The following DLGAP2 variants were observed in gnomAD, a reference collection of about 807,000 sequenced individuals.
DLGAP2 encodes DLG associated protein 2.
A neutral mutation model predicts 100.3 loss-of-function variants in DLGAP2; 26 were observed. That is an observed-to-expected ratio of 0.26 (90% CI 0.19 to 0.36). The LOEUF is 0.36. Ranked by LOEUF, DLGAP2 falls within the 10% of genes least tolerant of loss-of-function variation. The pLI is 1.00. For synonymous variants in DLGAP2, 886 were observed against 630.1 expected (o/e 1.41, Z -6.08); for missense variants, 1,858 against 1,453.2 (o/e 1.28, Z -4.53).
chr8:737,965 G>A (rs1408478264), intron 1 of DLGAP2, 140 bp downstream of exon 1: 2 of 334,342 alleles, frequency 6.0e-6, no homozygotes, highest in Non-Finnish European at 1.1e-5. Flanking sequence ...GGGTCGTGCC[G>A]CCCGCCGGGG....
chr8:1,252,688 C>A (rs1279189488), intron 2 of DLGAP2, among the ~76,000 whole-genome samples: 1 of 152,248 alleles, frequency 6.6e-6, no homozygotes, highest in Non-Finnish European at 1.5e-5. Context: ...GCTAGCGAGG[C>A]CGCCGGGTGT....
At chr8:1,514,336 A>G (rs1800285765) in intron 4 of DLGAP2, among the ~76,000 whole-genome samples, 1 of 152,254 alleles carries the variant, frequency 6.6e-6, no homozygotes, top group Admixed American at 6.5e-5. Flanking sequence ...CCAACAGCCC[A>G]GGTGTTTTCA....
At position 902,018 on chromosome 8, in the gene DLGAP2, A is replaced by G. The variant is rs553161772; in HGVS notation, c.19-5894A>G. 4.7e-4 allele frequency among the ~76,000 whole-genome samples: 72 copies of G among 152,278 alleles called. No homozygotes were observed. The East Asian group carries it at 0.014, about 29-fold the overall frequency. On this transcript the variant is annotated intron_variant, in intron 1 of 14. Transcript: ENST00000637795. Reference sequence around the variant, plus strand: ...CCTGTGAGGTTCTGTGGTCAGGGGAACCCAGGGGGGTTCCAAGCCATGGTC... The same window carrying G: ...CCTGTGAGGTTCTGTGGTCAGGGGAGCCCAGGGGGGTTCCAAGCCATGGTC...
intron 2 of DLGAP2, among the ~76,000 whole-genome samples, chr8:1,037,199 C>A (rs913220312): frequency 6.6e-6 from 1 of 152,142 alleles, no homozygotes; most frequent in Non-Finnish European, 1.5e-5. Context: ...TTGAGCGTCC[C>A]CTGCCGTCCT....
intron 3 of DLGAP2, among the ~76,000 whole-genome samples, chr8:1,328,241 C>G (rs930323477): frequency 6.6e-6 from 1 of 151,804 alleles, no homozygotes; most frequent in African/African-American, 2.4e-5. Context: ...AGGATTTCAC[C>G]TCATTGGCCA....
chr8:803,520 C>T (rs755373514), intron 1 of DLGAP2, among the ~76,000 whole-genome samples: 20 of 152,102 alleles, frequency 1.3e-4, no homozygotes, highest in Non-Finnish European at 2.8e-4. Context: ...TTGGAGATGG[C>T]TCCCAGTAGG....
chr8:1,053,788 C>G (rs1802792405), intron 2 of DLGAP2, among the ~76,000 whole-genome samples: 1 of 152,136 alleles, frequency 6.6e-6, no homozygotes, highest in Non-Finnish European at 1.5e-5. Context: ...TATTTAAGAA[C>G]CAAAACTTTA....
intron 3 of DLGAP2, among the ~76,000 whole-genome samples, chr8:1,413,239 T>C (rs1167836718): frequency 1.3e-5 from 2 of 152,206 alleles, no homozygotes; most frequent in Non-Finnish European, 2.9e-5. Context: ...TAGCTATTTA[T>C]TTATAGTATT....
At chr8:1,271,142 A>G (rs1799574478) in intron 3 of DLGAP2, among the ~76,000 whole-genome samples, 2 of 152,196 alleles carry the variant, frequency 1.3e-5, no homozygotes, top group East Asian at 1.9e-4. Flanking sequence ...TAATTAATTA[A>G]ATCATAAACC....
intron 2 of DLGAP2, among the ~76,000 whole-genome samples, chr8:1,052,856 A>C (rs1294096125): frequency 1.3e-5 from 2 of 152,198 alleles, no homozygotes; most frequent in Non-Finnish European, 2.9e-5. Context: ...AGGAGGATAG[A>C]ACTGGCTGCA....
At chr8:1,115,488 A>G (rs1805088543) in intron 2 of DLGAP2, among the ~76,000 whole-genome samples, 1 of 152,234 alleles carries the variant, frequency 6.6e-6, no homozygotes, top group Non-Finnish European at 1.5e-5. Context: ...GAGTAGTAAT[A>G]ACTACTTTAT....
chr8:1,149,195 A>G (rs557147422), intron 2 of DLGAP2, among the ~76,000 whole-genome samples: 13 of 152,100 alleles, frequency 8.5e-5, no homozygotes, highest in Admixed American at 5.2e-4. Context: ...GCCCAGGCTG[A>G]AGTGCAGTGG....
chr8:993,432 A>T (rs11137120), intron 2 of DLGAP2, among the ~76,000 whole-genome samples: 69 of 350 alleles, frequency 0.2, 8 homozygotes, highest in Non-Finnish European at 0.27. Flanking sequence ...CTTCTCTCCC[A>T]CCTTGCCCAG....
intron 6 of DLGAP2, among the ~76,000 whole-genome samples, chr8:1,613,164 T>C (rs1303855038): frequency 6.9e-6 from 1 of 145,110 alleles, no homozygotes; most frequent in Non-Finnish European, 1.5e-5. Flanking sequence ...AATGATAGAC[T>C]GGATTAAGAA....
intron 1 of DLGAP2, among the ~76,000 whole-genome samples, chr8:884,379 C>T (rs546515637): frequency 1.1e-4 from 16 of 152,214 alleles, no homozygotes; most frequent in South Asian, 8.3e-4. Context: ...ATTTGCATTT[C>T]TGTGATGATC....
intron 2 of DLGAP2, among the ~76,000 whole-genome samples, chr8:1,134,605 T>C (rs906649299): frequency 6.6e-6 from 1 of 152,250 alleles, no homozygotes; most frequent in African/African-American, 2.4e-5. Context: ...GATTTCAAAT[T>C]GAATAAACTT....
rs78332230 is a variant in DLGAP2 at position 1,504,532 on chromosome 8, C to T, written c.172+3101C>T. ...GTCTAACTGAAATGCTGCACCCTTC[C>T]GCCAACATCCTCCCAGTTCCCCCCA... On this transcript the variant is annotated intron_variant, in intron 4 of 14. Coordinates refer to ENST00000637795, the MANE Select transcript of DLGAP2 (RefSeq NM_001346810.2). Among the ~76,000 whole-genome samples, 889 of 152,136 alleles carry T rather than the reference C, an allele frequency of 5.8e-3. 13 individuals carry two copies. The highest frequency in any genetic ancestry group is 0.02 in the African/African-American group (839 of 41,438).
chr8:1,614,842 C>T (rs538631091), intron 6 of DLGAP2, among the ~76,000 whole-genome samples: 4 of 142,400 alleles, frequency 2.8e-5, no homozygotes, highest in East Asian at 1.9e-4. Context: ...ATGCATTGCA[C>T]GTGCACACAC....
chr8:1,293,650 G>T (rs1800107856), intron 3 of DLGAP2, among the ~76,000 whole-genome samples: 1 of 152,096 alleles, frequency 6.6e-6, no homozygotes, highest in East Asian at 1.9e-4. Flanking sequence ...AAATTATCAT[G>T]CCTGCTGTCT....
Sources: gnomAD v4.1 joint callset for allele counts (sites outside exome capture counted in the v4.1 genomes callset) on GRCh38, gnomAD v4.1.1 for gene constraint, MANE v1.5 for transcripts, NCBI Gene and HGNC (gene_info 2026-07-23, HGNC 2026-07-21) for gene names.